Variants in CHD7 observed in about 807,000 individuals in gnomAD.
CHD7 encodes chromodomain helicase DNA binding protein 7.
Under a neutral mutation model 307.3 loss-of-function variants are expected in CHD7, and 24 were observed. The ratio of observed to expected loss-of-function variants is 0.08; its 90% CI spans 0.06 to 0.11. CHD7 has a LOEUF of 0.11. CHD7 is among the 10% of genes least tolerant of loss of function. CHD7 has a pLI of 1.00. For missense variants in CHD7, 3,106 were observed against 3,727.1 expected (o/e 0.83, Z 4.34); for synonymous variants, 1,363 against 1,349.9 (o/e 1.01, Z -0.21).
At chr8:60,825,638 C>T (rs1804225105) in intron 13 of CHD7, among the ~76,000 whole-genome samples, 3 of 152,154 alleles carry the variant, frequency 2.0e-5, no homozygotes, top group Admixed American at 1.3e-4. Flanking sequence ...AGTAGGGATC[C>T]ACCTTCATAG....
chr8:60,813,361 A>T (rs532762587), intron 7 of CHD7, among the ~76,000 whole-genome samples: 4 of 152,228 alleles, frequency 2.6e-5, no homozygotes, highest in African/African-American at 9.6e-5. Flanking sequence ...AGATAGCTTT[A>T]CTTATTATTT....
chr8:60,845,425 G>A lies in CHD7; in HGVS notation c.5210+16G>A, dbSNP rs747154720. ...ACTGTAACAAGTATGTTATTAGAGG[G>A]TGGACCTGGAGAGCTTAATTCCCTT... On this transcript the variant is annotated intron_variant, in intron 23 of 37. Coordinates refer to ENST00000423902, the MANE Select transcript of CHD7 (RefSeq NM_017780.4). 11 of 1,612,882 alleles carry A rather than the reference G, an allele frequency of 6.8e-6. No homozygotes were observed. The highest frequency in any genetic ancestry group is 8.5e-6 in the Non-Finnish European group (10 of 1,179,332).
chr8:60,794,405 A>G (rs1200500400), intron 3 of CHD7, among the ~76,000 whole-genome samples: 7 of 152,238 alleles, frequency 4.6e-5, no homozygotes, highest in Non-Finnish European at 1.0e-4. Flanking sequence ...AAAAACACGT[A>G]GCACCAAAAT....
Position 60,823,989 on chromosome 8 carries a change from G to C in CHD7, c.3351G>C (p.Leu1117=), listed in dbSNP as rs1804157840. The C allele has an allele frequency of 6.2e-7, 1 of 1,613,454 alleles. No individual in the cohort carries two copies. Among genetic ancestry groups the C allele is most frequent in the African/African-American group, 1.3e-5 (1 of 74,916 alleles). Residue 1117 remains leucine (L), a synonymous_variant, in exon 13 of 38, where the codon CTG becomes CTC. Coordinates refer to ENST00000423902, the MANE Select transcript of CHD7 (RefSeq NM_017780.4). ...AHRLKNRNCK[L]LEGLKMMDLE... ...GGCTGAAGAACAGGAACTGCAAGCT[G>C]TTGGAGGGACTCAAGATGATGGACT... is the stretch of plus-strand genomic sequence containing the variant.
chr8:60,781,521 G>C, intron 3 of CHD7, 91 bp downstream of exon 3: 1 of 1,418,208 alleles, frequency 7.1e-7, no homozygotes, highest in Non-Finnish European at 9.3e-7. Flanking sequence ...AGGGGTGGGA[G>C]GGGACACAAT....
chr8:60,815,739 G>A (rs1217222071), intron 7 of CHD7, among the ~76,000 whole-genome samples: 1 of 152,106 alleles, frequency 6.6e-6, no homozygotes, highest in Admixed American at 6.5e-5. Context: ...ACACAGTCTG[G>A]GAGACCAGGA....
intron 1 of CHD7, among the ~76,000 whole-genome samples, chr8:60,738,449 A>G (rs1808817339): frequency 6.6e-6 from 1 of 152,200 alleles, no homozygotes; most frequent in Non-Finnish European, 1.5e-5. Context: ...TCATCTAGAC[A>G]CAGAAAATCT....
intron 2 of CHD7, among the ~76,000 whole-genome samples, chr8:60,755,396 G>T (rs1809843458): frequency 6.6e-6 from 1 of 152,090 alleles, no homozygotes; most frequent in South Asian, 2.1e-4. Context: ...AGAGACTTGT[G>T]TAAGAATTGA....
chr8:60,819,285 T>C (rs1803908375), intron 8 of CHD7, among the ~76,000 whole-genome samples: 1 of 152,158 alleles, frequency 6.6e-6, no homozygotes, highest in African/African-American at 2.4e-5. Flanking sequence ...TTCTAGTGTT[T>C]TATATGAGAT....
In CHD7 at chr8:60,822,849, A is replaced by G. The variant is rs957248726; in HGVS notation, c.3201+103A>G. On this transcript the variant is annotated intron_variant, in intron 12 of 37. Coordinates refer to ENST00000423902, the MANE Select transcript of CHD7 (RefSeq NM_017780.4). Reference sequence around the variant, plus strand: ...ACTTGGGAAGGTCTAAATTTTGCCAAATTGAGAAATTTGCTTTAGATATCT... The same window carrying G: ...ACTTGGGAAGGTCTAAATTTTGCCAGATTGAGAAATTTGCTTTAGATATCT... The G allele has an allele frequency of 2.5e-5, 27 of 1,060,142 alleles. 1 individual carries two copies. Among genetic ancestry groups the G allele is most frequent in the Middle Eastern group, 2.2e-4 (1 of 4,544 alleles). The allele number at this position is 1,060,142 out of a possible 1,614,324, so 65.7% of individuals were successfully genotyped here.
At chr8:60,752,247 G>C (rs1278085175) in intron 2 of CHD7, among the ~76,000 whole-genome samples, 1 of 152,156 alleles carries the variant, frequency 6.6e-6, no homozygotes, top group Non-Finnish European at 1.5e-5. Context: ...CTTTTTGTTT[G>C]TTTTGGCCAT....
At chr8:60,712,536 A>C (rs1389107901) in intron 1 of CHD7, among the ~76,000 whole-genome samples, 1 of 152,120 alleles carries the variant, frequency 6.6e-6, no homozygotes. Context: ...TCACATTCTC[A>C]CTGGTGTTTC....
At position 60,856,719 on chromosome 8, in the gene CHD7, C is replaced by G; in HGVS notation, c.7439C>G (p.Thr2480Ser). 6.2e-7 allele frequency: 1 copy of G among 1,614,044 alleles called. No individual in the cohort carries two copies. Among genetic ancestry groups the G allele is most frequent in the African/African-American group, 1.3e-5 (1 of 75,050 alleles). The stretch of plus-strand genomic sequence containing the variant: ...ACACCAGTGTCTGATGCCTTTAAGA[C>G]TCAAATGGAACTGCTCCAAGCAGGC... ...VSTPVSDAFK[T>S]QMELLQAGLS... is the part of the protein sequence containing the mutation. Residue 2480 changes from threonine (T) to serine (S), a missense_variant, in exon 34 of 38, where the codon ACT (threonine) becomes AGT (serine). Physicochemically the swap from Thr to Ser is moderately conservative, Grantham distance 58 (BLOSUM62 1). Around this residue, in one of 10 missense-constraint regions of CHD7, gnomAD observed 1,030 missense variants for 1,165.4 expected, o/e 0.88. Coordinates refer to ENST00000423902, the MANE Select transcript of CHD7 (RefSeq NM_017780.4).
At chr8:60,793,422 TAAC>T (rs1254477625) in intron 3 of CHD7, among the ~76,000 whole-genome samples, 1 of 152,172 alleles carries the variant, frequency 6.6e-6, no homozygotes, top group Non-Finnish European at 1.5e-5. Flanking sequence ...GCTAAAATGT[TAAC>T]AAAATAAAAC....
rs750700125 is a variant in CHD7 at position 60,856,739 on chromosome 8, G to A, written c.7459G>A (p.Ala2487Thr). Residue 2487 changes from alanine (A) to threonine (T), a missense_variant, in exon 34 of 38, where the codon GCA becomes ACA. Coordinates refer to ENST00000423902, the MANE Select transcript of CHD7 (RefSeq NM_017780.4). ...AFKTQMELLQ[A>T]GLSRTPTRHL... ...TAAGACTCAAATGGAACTGCTCCAA[G>A]CAGGCCTTTCGCGCACACCCACAAG... 1 of 1,614,048 alleles carries A rather than the reference G, an allele frequency of 6.2e-7. No individual in the cohort carries two copies. Among genetic ancestry groups the A allele is most frequent in the South Asian group, 1.1e-5 (1 of 91,088 alleles).
At position 60,852,225 on chromosome 8, in the gene CHD7, A is replaced by G. The variant is rs2150808061; in HGVS notation, c.5872A>G (p.Ile1958Val). Residue 1958 changes from isoleucine (I) to valine (V), a missense_variant, in exon 29 of 38, where the codon ATT (isoleucine) becomes GTT (valine). Coordinates refer to ENST00000423902, the MANE Select transcript of CHD7 (RefSeq NM_017780.4). ...VRALEAEREAIISEKRQKWTR... is the reference protein window; with the variant it reads ...VRALEAEREAVISEKRQKWTR... ...AGCTCTGGAAGCGGAAAGGGAAGCT[A>G]TTATATCTGAGAAGCGGCAAAAGTG... The G allele has an allele frequency of 1.9e-6, 3 of 1,613,200 alleles. No homozygotes were observed. Among genetic ancestry groups the G allele is most frequent in the East Asian group, 2.2e-5 (1 of 44,884 alleles).
rs747213142 is a variant in CHD7, at chr8:60,741,913, C to A, written c.481C>A (p.Gln161Lys). ...QVPDQIRAPYQQQQPQPQPPQ... is the reference protein window; with the variant it reads ...QVPDQIRAPYKQQQPQPQPPQ... ...ACCAGACCAGATACGAGCCCCCTAC[C>A]AGCAGCAGCAGCCACAGCCGCAGCC... The change falls in exon 2 of 38, where the codon CAG (glutamine) becomes AAG (lysine). Residue 161 changes from glutamine (Q) to lysine (K), a missense_variant. Gln to Lys is a moderately conservative substitution (Grantham distance 53, BLOSUM62 1). Transcript: ENST00000423902. 9.3e-6 allele frequency: 15 copies of A among 1,612,318 alleles called. No homozygotes were observed. The highest frequency in any genetic ancestry group is 8.4e-5 in the Admixed American group (5 of 59,760).
At chr8:60,784,029 G>T (rs1316231109) in intron 3 of CHD7, among the ~76,000 whole-genome samples, 1 of 152,212 alleles carries the variant, frequency 6.6e-6, no homozygotes, top group Non-Finnish European at 1.5e-5. Flanking sequence ...ATGTCGCATT[G>T]TGGTCTCGTT....
chr8:60,684,455 A>G (rs1384299950), intron 1 of CHD7, among the ~76,000 whole-genome samples: 1 of 152,226 alleles, frequency 6.6e-6, no homozygotes, highest in Non-Finnish European at 1.5e-5. Flanking sequence ...AACTCACACA[A>G]AAACTAGAGC....
Sources: gnomAD v4.1 joint callset for allele counts (sites outside exome capture counted in the v4.1 genomes callset) on GRCh38, gnomAD v4.1.1 for gene constraint, gnomAD v4.1.1 regional missense constraint, MANE v1.5 for transcripts, NCBI Gene and HGNC (gene_info 2026-07-23, HGNC 2026-07-21) for gene names.